Variants in RBPJ observed in about 807,000 individuals in gnomAD.
RBPJ encodes the protein recombination signal binding protein for immunoglobulin kappa J region.
In RBPJ, 9 loss-of-function variants were observed where a neutral mutation model predicts 67.8. The observed-to-expected ratio is 0.13, with a 90% CI of 0.08 to 0.23. The LOEUF is 0.23. Among genes scored for constraint, RBPJ ranks in the 10% least tolerant of loss-of-function variants. The pLI is 1.00. For synonymous variants in RBPJ, 198 were observed against 203.3 expected, an observed-to-expected ratio of 0.97 and a Z score of 0.22; for missense variants, 305 against 595.6, an observed-to-expected ratio of 0.51 and a Z score of 5.08.
chr4:26,237,116 G>A (rs534320618), intron 1 of RBPJ, among the ~76,000 whole-genome samples: 1 of 152,110 alleles, frequency 6.6e-6, no homozygotes, highest in Non-Finnish European at 1.5e-5. Flanking sequence ...ACAGCAGCTG[G>A]TTGGCCCTGG....
intron 3 of RBPJ, among the ~76,000 whole-genome samples, chr4:26,408,023 C>T (rs543962416): frequency 3.3e-5 from 5 of 150,712 alleles, no homozygotes; most frequent in Middle Eastern, 3.4e-3. Context: ...TACAGGCACT[C>T]ACCACCATGG....
intron 1 of RBPJ, among the ~76,000 whole-genome samples, chr4:26,377,244 T>G (rs951272892): frequency 6.6e-6 from 1 of 152,340 alleles, no homozygotes; most frequent in Non-Finnish European, 1.5e-5. Context: ...TTGAAGAAAC[T>G]GAAGCACAGA....
At chr4:26,133,715 G>A in the RBPJ span, among the ~76,000 whole-genome samples, 1 of 152,010 alleles carries the variant, frequency 6.6e-6, no homozygotes, top group Non-Finnish European at 1.5e-5. Context: ...ATCTGAGGTG[G>A]AACAGTTTCC....
At chr4:26,266,537 A>G (rs967119957) in intron 1 of RBPJ, among the ~76,000 whole-genome samples, 1 of 152,194 alleles carries the variant, frequency 6.6e-6, no homozygotes, top group Non-Finnish European at 1.5e-5. Flanking sequence ...GTCTTATAAG[A>G]TAAGGATGTT....
chr4:26,235,217 G>A (rs1719418138), intron 1 of RBPJ, among the ~76,000 whole-genome samples: 1 of 152,170 alleles, frequency 6.6e-6, no homozygotes, highest in Admixed American at 6.5e-5. Context: ...CTTTGGCAAT[G>A]TTAATGAGAA....
intron 1 of RBPJ, among the ~76,000 whole-genome samples, chr4:26,375,703 G>T (rs1196238950): frequency 6.6e-6 from 1 of 152,206 alleles, no homozygotes; most frequent in Non-Finnish European, 1.5e-5. Flanking sequence ...TAATCACATT[G>T]TGGATTTTCC....
intron 3 of RBPJ, among the ~76,000 whole-genome samples, chr4:26,409,256 C>T (rs1226525016): frequency 1.3e-5 from 2 of 151,952 alleles, no homozygotes; most frequent in East Asian, 1.9e-4. Flanking sequence ...AGATAAGGTT[C>T]CTGTTTGTTA....
chr4:26,244,273 A>ATGTGTGTG (rs1719789874), intron 1 of RBPJ, among the ~76,000 whole-genome samples: 1 of 12,102 alleles, frequency 8.3e-5, no homozygotes, highest in Non-Finnish European at 1.7e-4. Flanking sequence ...GTGTACACAT[A>ATGTGTGTG]TATGTGTGTA....
chr4:26,275,755 C>A (rs975280897), intron 1 of RBPJ, among the ~76,000 whole-genome samples: 1 of 151,996 alleles, frequency 6.6e-6, no homozygotes, highest in African/African-American at 2.4e-5. Flanking sequence ...CTCAGCCTTG[C>A]GAGTAGCTGG....
intron 1 of RBPJ, among the ~76,000 whole-genome samples, chr4:26,331,356 G>A (rs1436834547): frequency 6.6e-6 from 1 of 151,882 alleles, no homozygotes; most frequent in Non-Finnish European, 1.5e-5. Flanking sequence ...CAAAGTGCTG[G>A]GATTACAAGT....
At chr4:26,410,947 G>A (rs1430950852) in intron 3 of RBPJ, among the ~76,000 whole-genome samples, 5 of 152,236 alleles carry the variant, frequency 3.3e-5, no homozygotes, top group Non-Finnish European at 5.9e-5. Context: ...TAGGGAAGAT[G>A]AGAAAATAAA....
At chr4:26,202,203 A>C (rs1321931374) in intron 1 of RBPJ, among the ~76,000 whole-genome samples, 1 of 151,908 alleles carries the variant, frequency 6.6e-6, no homozygotes, top group Non-Finnish European at 1.5e-5. Context: ...TCTAAATGTC[A>C]TCAACCTACA....
At chr4:26,212,577 C>T (rs1165115702) in intron 1 of RBPJ, among the ~76,000 whole-genome samples, 2 of 151,774 alleles carry the variant, frequency 1.3e-5, no homozygotes, top group Non-Finnish European at 2.9e-5. Context: ...GCTTTTTCTC[C>T]CCAAGGCAGG....
intron 1 of RBPJ, among the ~76,000 whole-genome samples, chr4:26,342,897 A>G (rs1725693255): frequency 6.6e-6 from 1 of 152,208 alleles, no homozygotes; most frequent in Non-Finnish European, 1.5e-5. Context: ...CAATGACTCA[A>G]GATTCTCATG....
At chr4:26,192,918 A>G (rs529267301) in intron 1 of RBPJ, among the ~76,000 whole-genome samples, 6 of 152,294 alleles carry the variant, frequency 3.9e-5, no homozygotes. Flanking sequence ...TCGGGAGAAT[A>G]TCCTGGATTC....
chr4:26,419,934 T>G (rs547799683), intron 4 of RBPJ, among the ~76,000 whole-genome samples: 44 of 152,280 alleles, frequency 2.9e-4, no homozygotes, highest in African/African-American at 1.0e-3. Flanking sequence ...TGAATCGTCC[T>G]TTTGGGCAAA....
At position 26,204,389 on chromosome 4, in the gene RBPJ, TGCTCAGTAAAG is replaced by T. The variant is rs570485516; in HGVS notation, c.-167+40779_-167+40789del. 3.3e-3 allele frequency among the ~76,000 whole-genome samples: 509 copies of T among 152,366 alleles called. 3 individuals carry two copies. Among genetic ancestry groups the T allele is most frequent in the Admixed American group, 0.015 (232 of 15,306 alleles). ...CTTTGAAGACAGGACATACTGAGTC[TGCTCAGTAAAG>T]GCTGTCAGAGTTCAGGAAATGATTT... On this transcript the variant is annotated intron_variant, in intron 1 of 4. Transcript: ENST00000512351.
intron 1 of RBPJ, among the ~76,000 whole-genome samples, chr4:26,250,209 GTC>G (rs1221746832): frequency 1.3e-5 from 2 of 151,670 alleles, no homozygotes; most frequent in African/African-American, 2.4e-5. Flanking sequence ...AGTTTGCCTT[GTC>G]TCAATCCCTC....
At chr4:26,298,599 C>T (rs1721963988) in intron 1 of RBPJ, among the ~76,000 whole-genome samples, 2 of 152,116 alleles carry the variant, frequency 1.3e-5, no homozygotes, top group Admixed American at 1.3e-4. Flanking sequence ...TTTTTAAAAC[C>T]TAGTATTTGT....
Sources: allele counts gnomAD v4.1 joint callset (sites outside exome capture counted in the v4.1 genomes callset), GRCh38; gene constraint gnomAD v4.1.1; transcripts MANE v1.5; gene names NCBI Gene and HGNC (gene_info 2026-07-23, HGNC 2026-07-21).